The following PDE3A variants were observed in gnomAD, a reference collection of about 807,000 sequenced individuals.
PDE3A encodes cGMP-inhibited 3',5'-cyclic phosphodiesterase 3A.
PDE3A carries 43 observed loss-of-function variants against 98.3 expected under a neutral mutation model. The ratio of observed to expected loss-of-function variants is 0.44; its 90% CI spans 0.34 to 0.56. PDE3A has a LOEUF of 0.56. PDE3A is among the 20% of genes least tolerant of loss of function. The pLI is 0.01. For missense variants in PDE3A, 1,427 were observed against 1,440.7 expected (o/e 0.99, Z 0.15); for synonymous variants, 663 against 567.9 (o/e 1.17, Z -2.38).
chr12:20,430,318 T>A (rs527354568), intron 1 of PDE3A, among the ~76,000 whole-genome samples: 40 of 152,308 alleles, frequency 2.6e-4, no homozygotes, highest in African/African-American at 7.9e-4. Flanking sequence ...GATTTTTTTT[T>A]ATTTTTCATC....
intron 2 of PDE3A, among the ~76,000 whole-genome samples, chr12:20,579,702 G>GC (rs1450077366): frequency 2.0e-5 from 3 of 152,158 alleles, no homozygotes; most frequent in African/African-American, 7.2e-5. Context: ...ATACTTCACA[G>GC]CAACAGCCCA....
rs377566290 is a variant in PDE3A at position 20,617,821 on chromosome 12, C to A, written c.1424+1437C>A. 3.6e-4 allele frequency among the ~76,000 whole-genome samples: 55 copies of A among 152,118 alleles called. 2 individuals carry two copies. In the South Asian group the frequency reaches 0.011, roughly 32 times the overall value. On this transcript the variant is annotated intron_variant, in intron 4 of 15. Coordinates refer to ENST00000359062, the MANE Select transcript of PDE3A (RefSeq NM_000921.5). ...TTACTTGTAGTCAAATCCTATCTCC[C>A]CTGCTTTTCTCTTCTCTTAGTCAAT...
intron 2 of PDE3A, 92 bp from the exon 3 acceptor site, chr12:20,613,351 A>G (rs1943915712): frequency 1.7e-6 from 2 of 1,162,768 alleles, no homozygotes; most frequent in South Asian, 2.7e-5. Context: ...AATCAGCCCA[A>G]TTCATTTCTT....
At chr12:20,386,271 T>C (rs1231472763) in intron 1 of PDE3A, among the ~76,000 whole-genome samples, 1 of 133,386 alleles carries the variant, frequency 7.5e-6, no homozygotes, top group African/African-American at 2.8e-5. Context: ...ATATATTATA[T>C]TATATTATAG....
chr12:20,682,312 T>G lies in PDE3A; in HGVS notation c.*2041T>G, dbSNP rs1329027560. The G allele has an allele frequency of 6.6e-6, 1 of 152,222 alleles. No individual in the cohort carries two copies. The highest frequency in any genetic ancestry group is 2.4e-5 in the African/African-American group (1 of 41,466). 9.4% of individuals were successfully genotyped at this position (152,222 alleles called of 1,614,324 possible). ...CCTTCTAAGTAAACCTTGATTGTGATTTCCAGTTTTTATTTTCTCTGACGT... is the reference window on the plus strand; with the variant it reads ...CCTTCTAAGTAAACCTTGATTGTGAGTTCCAGTTTTTATTTTCTCTGACGT... On this transcript the variant is annotated 3_prime_UTR_variant, in exon 16 of 16. Coordinates refer to ENST00000359062, the MANE Select transcript of PDE3A (RefSeq NM_000921.5).
intron 1 of PDE3A, among the ~76,000 whole-genome samples, chr12:20,494,872 C>CAA (rs5796864): frequency 0.048 from 6,915 of 143,544 alleles, 222 homozygotes; most frequent in Non-Finnish European, 0.069. Flanking sequence ...AACAATTCCG[C>CAA]AAAAAAAAAA....
At chr12:20,624,832 G>A (rs118161083) in intron 5 of PDE3A, among the ~76,000 whole-genome samples, 124 of 152,276 alleles carry the variant, frequency 8.1e-4, no homozygotes, top group Non-Finnish European at 1.6e-3. Context: ...GGTTGATGGA[G>A]CTAAGTGGTT....
Position 20,556,688 on chromosome 12 carries a change from A to AGGGCC in PDE3A, c.989_990insGGGCC (p.Arg331GlyfsTer46). 6.2e-7 allele frequency: 1 copy of AGGGCC among 1,610,226 alleles called. No individual in the cohort carries two copies. Among genetic ancestry groups the AGGGCC allele is most frequent in the Non-Finnish European group, 8.5e-7 (1 of 1,176,570 alleles). On this transcript the variant is annotated frameshift_variant, in exon 2 of 16. Transcript: ENST00000359062. LOFTEE classifies it high-confidence loss of function. Reference sequence around the variant, plus strand: ...ATGGGGCATTCAGAATGGGACCACAAACGAGGGCCAAGAGGATCACAGGTA... The same window carrying AGGGCC: ...ATGGGGCATTCAGAATGGGACCACAAGGGCCACGAGGGCCAAGAGGATCACAGGTA...
At chr12:20,673,656 C>A (rs1406991179) in intron 15 of PDE3A, among the ~76,000 whole-genome samples, 2 of 144,500 alleles carry the variant, frequency 1.4e-5, no homozygotes, top group Non-Finnish European at 3.0e-5. Context: ...ACAATGAGAA[C>A]ACATGGACAC....
At chr12:20,459,761 G>C (rs948545618) in intron 1 of PDE3A, among the ~76,000 whole-genome samples, 1 of 152,104 alleles carries the variant, frequency 6.6e-6, no homozygotes, top group Non-Finnish European at 1.5e-5. Flanking sequence ...TTGTGTATCA[G>C]TAGGGCCCGC....
At chr12:20,479,043 C>G (rs910086856) in intron 1 of PDE3A, among the ~76,000 whole-genome samples, 4 of 152,142 alleles carry the variant, frequency 2.6e-5, no homozygotes, top group African/African-American at 9.7e-5. Context: ...GGCCAGGCTT[C>G]TTATCTCTAC....
At chr12:20,632,949 CTTTTTTT>C (rs5796876) in intron 6 of PDE3A, among the ~76,000 whole-genome samples, 3 of 102,112 alleles carry the variant, frequency 2.9e-5, no homozygotes, top group East Asian at 5.9e-4. Flanking sequence ...AATAATGAGG[CTTTTTTT>C]TTTTTTTTTT....
chr12:20,369,243 C>A lies in PDE3A; in HGVS notation c.-42C>A, dbSNP rs1197095092. 3 of 1,417,204 alleles carry A rather than the reference C, an allele frequency of 2.1e-6. No homozygotes were observed. The highest frequency in any genetic ancestry group is 1.4e-5 in the South Asian group (1 of 70,304). The allele number at this position is 1,417,204 out of a possible 1,614,324, so 87.8% of individuals were successfully genotyped here. A position where few individuals can be genotyped will look rare whatever the true frequency, so the allele number is the denominator to read the frequency against. On this transcript the variant is annotated 5_prime_UTR_variant, in exon 1 of 16. Coordinates refer to ENST00000359062, the MANE Select transcript of PDE3A (RefSeq NM_000921.5). The stretch of plus-strand genomic sequence containing the variant: ...CGCGCGTGGGTCGGGGCGGGGGCGT[C>A]GGGGGGCCACTGGGAATTCAGTGAA...
chr12:20,476,779 A>T (rs1385388224), intron 1 of PDE3A, among the ~76,000 whole-genome samples: 1 of 152,212 alleles, frequency 6.6e-6, no homozygotes, highest in Non-Finnish European at 1.5e-5. Context: ...GCAAAAAGAT[A>T]TGACAACAAA....
chr12:20,570,407 CAAAAAAAAAAAAA>C (rs61242685), intron 2 of PDE3A, among the ~76,000 whole-genome samples: 11 of 43,344 alleles, frequency 2.5e-4, no homozygotes, highest in African/African-American at 1.1e-3. Context: ...GACGCTGTCT[CAAAAAAAAAAAAA>C]AAAAAAAAAA....
intron 2 of PDE3A, among the ~76,000 whole-genome samples, chr12:20,592,077 A>G (rs111521304): frequency 9.3e-4 from 142 of 152,318 alleles, no homozygotes; most frequent in African/African-American, 3.3e-3. Flanking sequence ...TGGCACAGAT[A>G]GCAGTATGTC....
intron 1 of PDE3A, among the ~76,000 whole-genome samples, chr12:20,443,984 G>T (rs1486971949): frequency 6.6e-6 from 1 of 152,168 alleles, no homozygotes; most frequent in Admixed American, 6.6e-5. Flanking sequence ...AGAAGGAAAA[G>T]AAGGAGGGAG....
intron 3 of PDE3A, 124 bp from the exon 4 acceptor site, chr12:20,616,106 G>A: frequency 1.3e-6 from 1 of 758,238 alleles, no homozygotes. Flanking sequence ...ATAGATAGGT[G>A]ATATTAAACC....
chr12:20,488,009 A>C (rs968947332), intron 1 of PDE3A, among the ~76,000 whole-genome samples: 1 of 152,222 alleles, frequency 6.6e-6, no homozygotes, highest in African/African-American at 2.4e-5. Flanking sequence ...TAAAAGCATA[A>C]TGCATATTCC....
Sources: allele counts gnomAD v4.1 joint callset (sites outside exome capture counted in the v4.1 genomes callset), GRCh38; gene constraint gnomAD v4.1.1; transcripts MANE v1.5; gene names NCBI Gene and HGNC (gene_info 2026-07-23, HGNC 2026-07-21).